The following FNDC3A variants were observed in gnomAD, a reference collection of about 807,000 sequenced individuals.
The protein encoded by FNDC3A is fibronectin type III domain containing 3A, also known as fibronectin type-III domain-containing protein 3A.
FNDC3A carries 32 observed loss-of-function variants against 148.9 expected under a neutral mutation model. That is an observed-to-expected ratio of 0.21 (90% confidence interval 0.16 to 0.29). FNDC3A has a LOEUF of 0.29. Ranked by LOEUF, FNDC3A falls within the 10% of genes least tolerant of loss-of-function variation. FNDC3A has a pLI of 1.00. For synonymous variants in FNDC3A, 472 were observed against 473.6 expected (o/e 1.00, Z 0.04); for missense variants, 1,191 against 1,452.8 (o/e 0.82, Z 2.93).
chr13:49,203,325 C>A (rs1434311638), intron 25 of FNDC3A, 41 bp downstream of exon 25: 2 of 1,474,486 alleles, frequency 1.4e-6, no homozygotes, highest in South Asian at 2.5e-5. Flanking sequence ...ATATTTTTAC[C>A]CTTTTTTAAT....
chr13:49,170,536 T>A (rs1024604769), intron 10 of FNDC3A, among the ~76,000 whole-genome samples: 1 of 152,152 alleles, frequency 6.6e-6, no homozygotes, highest in Non-Finnish European at 1.5e-5. Flanking sequence ...TTTTTCTGTC[T>A]TATTGCCAGT....
At chr13:49,170,004 G>C (rs966415598) in intron 10 of FNDC3A, among the ~76,000 whole-genome samples, 83 of 152,142 alleles carry the variant, frequency 5.5e-4, no homozygotes, top group Non-Finnish European at 2.9e-4. Context: ...TAAGATTTCT[G>C]TAGGTGACTG....
chr13:49,023,834 G>A (rs1873503391), intron 2 of FNDC3A, among the ~76,000 whole-genome samples: 1 of 151,902 alleles, frequency 6.6e-6, no homozygotes, highest in African/African-American at 2.4e-5. Flanking sequence ...TATAAAGCAA[G>A]ATGATTTTTG....
At chr13:49,006,523 G>A (rs985453778) in intron 2 of FNDC3A, among the ~76,000 whole-genome samples, 3 of 151,934 alleles carry the variant, frequency 2.0e-5, no homozygotes, top group Non-Finnish European at 4.4e-5. Context: ...TGCCATTCAA[G>A]TTGTTTTTGT....
intron 3 of FNDC3A, among the ~76,000 whole-genome samples, chr13:49,105,040 G>A (rs1036291118): frequency 6.6e-5 from 10 of 152,092 alleles, no homozygotes; most frequent in Admixed American, 2.6e-4. Flanking sequence ...CAATGTAACC[G>A]TAAGGAATTA....
At chr13:49,098,246 G>A (rs971404469) in intron 3 of FNDC3A, among the ~76,000 whole-genome samples, 5 of 152,092 alleles carry the variant, frequency 3.3e-5, no homozygotes, top group African/African-American at 9.7e-5. Context: ...CAGTCTGCAT[G>A]GTAGATGACT....
At chr13:49,173,118 C>T (rs1305916233) in intron 11 of FNDC3A, among the ~76,000 whole-genome samples, 1 of 151,816 alleles carries the variant, frequency 6.6e-6, no homozygotes, top group Non-Finnish European at 1.5e-5. Context: ...GCCCTTGGGC[C>T]GCAGGTTGGA....
At chr13:49,140,126 A>G (rs1379690613) in intron 7 of FNDC3A, among the ~76,000 whole-genome samples, 1 of 152,170 alleles carries the variant, frequency 6.6e-6, no homozygotes, top group Non-Finnish European at 1.5e-5. Context: ...TGAGGCCAGG[A>G]GTTTGAGACC....
chr13:49,134,101 A>G (rs1354852175), intron 5 of FNDC3A, among the ~76,000 whole-genome samples: 1 of 152,198 alleles, frequency 6.6e-6, no homozygotes, highest in East Asian at 1.9e-4. Flanking sequence ...TATGTACTGT[A>G]TTAAGTACCA....
chr13:49,165,174 T>G (rs1233197176), intron 8 of FNDC3A, among the ~76,000 whole-genome samples: 3 of 152,208 alleles, frequency 2.0e-5, no homozygotes, highest in Non-Finnish European at 2.9e-5. Flanking sequence ...TAAATTTTTG[T>G]TTTTGATTGG....
intron 10 of FNDC3A, among the ~76,000 whole-genome samples, chr13:49,170,576 C>G (rs911324308): frequency 1.3e-5 from 2 of 152,098 alleles, no homozygotes; most frequent in East Asian, 1.9e-4. Flanking sequence ...ACTTCTCAGC[C>G]CCTAGAATAG....
intron 2 of FNDC3A, among the ~76,000 whole-genome samples, chr13:49,034,265 A>G (rs1385203138): frequency 6.6e-6 from 1 of 152,040 alleles, no homozygotes; most frequent in Non-Finnish European, 1.5e-5. Context: ...GCTATTACAG[A>G]CTGCTGTAAG....
At chr13:49,139,607 T>C (rs910186643) in intron 7 of FNDC3A, among the ~76,000 whole-genome samples, 1 of 152,236 alleles carries the variant, frequency 6.6e-6, no homozygotes, top group Non-Finnish European at 1.5e-5. Flanking sequence ...GGTCCTACTT[T>C]TTCTGACAAC....
At chr13:49,034,927 A>G (rs899957311) in intron 2 of FNDC3A, among the ~76,000 whole-genome samples, 5 of 152,030 alleles carry the variant, frequency 3.3e-5, no homozygotes, top group African/African-American at 1.2e-4. Flanking sequence ...ATGATACTGT[A>G]ATTATCCCCT....
At chr13:49,167,324 G>A (rs765422383) in intron 9 of FNDC3A, 21 bp downstream of exon 9, 1 of 1,492,398 alleles carries the variant, frequency 6.7e-7, no homozygotes, top group Non-Finnish European at 9.2e-7. Flanking sequence ...CCTACAGATT[G>A]CCTTTATAAG....
intron 2 of FNDC3A, among the ~76,000 whole-genome samples, chr13:49,021,130 A>G (rs1488863854): frequency 6.6e-6 from 1 of 152,238 alleles, no homozygotes; most frequent in Non-Finnish European, 1.5e-5. Context: ...CTGGTATTAA[A>G]ATGATTAATA....
intron 3 of FNDC3A, among the ~76,000 whole-genome samples, chr13:49,092,045 A>C (rs1879225815): frequency 6.6e-6 from 1 of 152,194 alleles, no homozygotes; most frequent in Non-Finnish European, 1.5e-5. Context: ...GCCTTGCCCC[A>C]AAATCCTAGA....
chr13:48,976,598 G>A (rs1266197886), intron 1 of FNDC3A: 1 of 152,282 alleles, frequency 6.6e-6, no homozygotes, highest in African/African-American at 2.4e-5. Flanking sequence ...GCGGGGGCGG[G>A]GGCGGGGGCT....
chr13:49,039,863 C>T (rs960280654), intron 2 of FNDC3A, among the ~76,000 whole-genome samples: 8 of 152,160 alleles, frequency 5.3e-5, no homozygotes, highest in Admixed American at 2.0e-4. Context: ...TACAGGCATG[C>T]GCCACCATAC....
Sources: allele counts gnomAD v4.1 joint callset (sites outside exome capture counted in the v4.1 genomes callset), GRCh38; gene constraint gnomAD v4.1.1; transcripts MANE v1.5; gene names NCBI Gene and HGNC (gene_info 2026-07-23, HGNC 2026-07-21).